Variants in TACC2 observed in about 807,000 individuals in gnomAD.
TACC2 encodes the protein transforming acidic coiled-coil-containing protein 2.
In TACC2, 137 loss-of-function variants were observed where a neutral mutation model predicts 227.3. The observed-to-expected ratio is 0.60, with a 90% CI of 0.52 to 0.69. The LOEUF is 0.69. Ranked by LOEUF, TACC2 falls within the 30% of genes least tolerant of loss-of-function variation. The pLI is 0.00. For missense variants in TACC2, 3,470 were observed against 3,694.4 expected (o/e 0.94, Z 1.57); for synonymous variants, 1,523 against 1,487.5 (o/e 1.02, Z -0.55).
chr10:122,176,035 G>A (rs543009022), intron 7 of TACC2, among the ~76,000 whole-genome samples: 4 of 149,380 alleles, frequency 2.7e-5, no homozygotes, highest in Non-Finnish European at 5.9e-5. Flanking sequence ...AGTCGTGTTT[G>A]CACCACTGCA....
Position 122,129,573 on chromosome 10 carries a change from T to C in TACC2, c.5574-3036T>C, listed in dbSNP as rs375308852. ...GTGTCAAAGGAAACGAAGTCTTTTA[T>C]GGTTTTCAATGTGTGTTGCCAGAAC... On this transcript the variant is annotated intron_variant, in intron 5 of 22. Transcript: ENST00000369005. Among the ~76,000 whole-genome samples, 130 of 152,368 alleles carry C rather than the reference T, an allele frequency of 8.5e-4. 1 individual carries two copies. The East Asian group carries it at 0.015, about 18-fold the overall frequency.
rs1274198953 is a variant in TACC2 at position 122,132,804 on chromosome 10, C to T, written c.5699+70C>T. 1.1e-5 allele frequency: 16 copies of T among 1,461,536 alleles called. No homozygotes were observed. The East Asian group carries it at 3.5e-4, about 32-fold the overall frequency. The allele number at this position is 1,461,536 out of a possible 1,614,324, so 90.5% of individuals were successfully genotyped here. On this transcript the variant is annotated intron_variant, in intron 6 of 22. Coordinates refer to ENST00000369005, the MANE Select transcript of TACC2 (RefSeq NM_206862.4). ...ATCCTTGAGGCTGCCTTCCCCCGCTCCCCTCCCTTCCCCTCCCCTCCTCTC... is the reference window on the plus strand; with the variant it reads ...ATCCTTGAGGCTGCCTTCCCCCGCTTCCCTCCCTTCCCCTCCCCTCCTCTC...
At chr10:122,026,318 A>G (rs1389520834) in intron 2 of TACC2, among the ~76,000 whole-genome samples, 3 of 149,802 alleles carry the variant, frequency 2.0e-5, no homozygotes, top group Admixed American at 2.0e-4. Flanking sequence ...TGTCTCAAAA[A>G]AAAAAAAAAA....
In TACC2 at chr10:122,086,257, G is replaced by C; in HGVS notation, c.3757G>C (p.Val1253Leu). The C allele has an allele frequency of 6.2e-7, 1 of 1,614,014 alleles. No homozygotes were observed. Among genetic ancestry groups the C allele is most frequent in the Non-Finnish European group, 8.5e-7 (1 of 1,180,048 alleles). ...AAQRGAEDSG[V>L]KAVSSADPRA... ...CCAGAGAGGAGCAGAAGACAGTGGA[G>C]TGAAAGCTGTTTCCTCTGCAGACCC... Residue 1253 changes from valine (V) to leucine (L), a missense_variant, in exon 4 of 23, where the codon GTG becomes CTG. Val to Leu is a conservative substitution (Grantham distance 32). This residue lies in a region of TACC2 where 1,924 missense variants were observed against 1,978.3 expected (regional missense o/e 0.97). Coordinates refer to ENST00000369005, the MANE Select transcript of TACC2 (RefSeq NM_206862.4).
chr10:122,019,707 A>C (rs1371965392), intron 1 of TACC2: 1 of 152,252 alleles, frequency 6.6e-6, no homozygotes, highest in Non-Finnish European at 1.5e-5. Context: ...GCTCCTGCCC[A>C]GGTATGAAGT....
At position 122,211,557 on chromosome 10, in the gene TACC2, G is replaced by T. The variant is rs183996280; in HGVS notation, c.7132G>T (p.Val2378Phe). The T allele has an allele frequency of 2.3e-5, 37 of 1,613,882 alleles. No homozygotes were observed. In the Admixed American group the frequency reaches 4.5e-4, roughly 20 times the overall value. Residue 2378 changes from valine (V) to phenylalanine (F), a missense_variant, in exon 9 of 23, where the codon GTT becomes TTT. Physicochemically the swap from Val to Phe is conservative, Grantham distance 50. Around this residue, in one of 10 missense-constraint regions of TACC2, gnomAD observed 593 missense variants for 636.6 expected, o/e 0.93. Transcript: ENST00000369005. ...NFDPDTCDES[V>F]DPFKTSSKTP... ...TGACCCAGACACCTGTGATGAGTCC[G>T]TTGACCCCTTTAAGACATCCTCTAA...
chr10:122,132,722 T>A lies in TACC2; in HGVS notation c.5687T>A (p.Leu1896Gln). ...GTTGTTGGCCAGGTCTCTACGGATCTGATAGCCCAGAGGTACGGTGGGGGC... is the reference window on the plus strand; with the variant it reads ...GTTGTTGGCCAGGTCTCTACGGATCAGATAGCCCAGAGGTACGGTGGGGGC... ...GDVVGQVSTDLIAQSISPAAA... is the reference protein window; with the variant it reads ...GDVVGQVSTDQIAQSISPAAA... Residue 1896 changes from leucine (L) to glutamine (Q), a missense_variant, in exon 6 of 23, where the codon CTG becomes CAG. By Grantham distance (113) the Leu-to-Gln change is moderately radical. This residue lies in a region of TACC2 where 1,924 missense variants were observed against 1,978.3 expected (regional missense o/e 0.97). Coordinates refer to ENST00000369005, the MANE Select transcript of TACC2 (RefSeq NM_206862.4). 1 of 1,614,156 alleles carries A rather than the reference T, an allele frequency of 6.2e-7. No homozygotes were observed. Among genetic ancestry groups the A allele is most frequent in the Non-Finnish European group, 8.5e-7 (1 of 1,179,990 alleles).
intron 5 of TACC2, among the ~76,000 whole-genome samples, chr10:122,100,727 T>C (rs1259904954): frequency 6.6e-6 from 1 of 152,166 alleles, no homozygotes; most frequent in Admixed American, 6.5e-5. Flanking sequence ...CGCCCGACTG[T>C]TGTCTTCTCT....
rs769155262 is a variant in TACC2, at chr10:122,084,573, A to G, written c.2073A>G (p.Ser691=). 3 of 1,613,698 alleles carry G rather than the reference A, an allele frequency of 1.9e-6. No homozygotes were observed. Among genetic ancestry groups the G allele is most frequent in the Non-Finnish European group, 2.5e-6 (3 of 1,180,018 alleles). ...TVPEGAIWEG[S]GLQPKCPDTL... ...CCGAAGGAGCCATCTGGGAGGGGTC[A>G]GGATTGCAGCCCAAATGTCCTGACA... Residue 691 remains serine, a synonymous_variant, in exon 4 of 23, where the codon TCA becomes TCG. Transcript: ENST00000369005.
At chr10:122,214,948 C>A (rs1241605424) in intron 9 of TACC2, among the ~76,000 whole-genome samples, 1 of 152,008 alleles carries the variant, frequency 6.6e-6, no homozygotes, top group Non-Finnish European at 1.5e-5. Context: ...CTGCGTGGCC[C>A]CCTTCAGTTG....
At chr10:122,226,097 C>A (rs1335463418) in intron 12 of TACC2, among the ~76,000 whole-genome samples, 1 of 152,206 alleles carries the variant, frequency 6.6e-6, no homozygotes, top group Non-Finnish European at 1.5e-5. Context: ...GAACAAAGTC[C>A]AGCTCACCAA....
At chr10:122,061,668 G>T (rs2076839109) in intron 3 of TACC2, among the ~76,000 whole-genome samples, 1 of 152,104 alleles carries the variant, frequency 6.6e-6, no homozygotes, top group Admixed American at 6.6e-5. Flanking sequence ...ATCAACACGG[G>T]CCCACTACAC....
intron 5 of TACC2, among the ~76,000 whole-genome samples, chr10:122,106,240 A>G (rs10736310): frequency 0.44 from 66,217 of 151,564 alleles, 15,120 homozygotes; most frequent in South Asian, 0.53. Flanking sequence ...TGCCTACCTC[A>G]GCCTCCCAAA....
chr10:122,114,562 G>C (rs12251221), intron 5 of TACC2, among the ~76,000 whole-genome samples: 38,868 of 152,140 alleles, frequency 0.26, 5,729 homozygotes, highest in Middle Eastern at 0.34. Flanking sequence ...TTCCCACGGG[G>C]CTCTTTCTCA....
At chr10:122,097,798 C>G (rs982138185) in intron 5 of TACC2, among the ~76,000 whole-genome samples, 2 of 152,102 alleles carry the variant, frequency 1.3e-5, no homozygotes, top group East Asian at 1.9e-4. Context: ...CACGGCACAC[C>G]CGACACAAAG....
chr10:122,212,915 A>G (rs1254040336), intron 9 of TACC2, among the ~76,000 whole-genome samples: 1 of 151,596 alleles, frequency 6.6e-6, no homozygotes, highest in Non-Finnish European at 1.5e-5. Flanking sequence ...GAAGTCTGCA[A>G]TGGCTAGACT....
Position 122,249,659 on chromosome 10 carries a change from C to G in TACC2, c.8776C>G (p.Gln2926Glu), listed in dbSNP as rs376457806. ...RVDALERTLE[Q>E]KNKEIEELTK... ...GGACGCCCTGGAAAGGACGCTGGAG[C>G]AGAAGGTAATAGGGGAGGGGTGTGG... is the stretch of plus-strand genomic sequence containing the variant. Residue 2926 changes from glutamine (Q) to glutamate (E), a missense_variant, in exon 22 of 23, where the codon CAG becomes GAG. Gln to Glu is a conservative substitution (Grantham distance 29, BLOSUM62 2). Coordinates refer to ENST00000369005, the MANE Select transcript of TACC2 (RefSeq NM_206862.4). The G allele has an allele frequency of 6.2e-7, 1 of 1,613,070 alleles. No individual in the cohort carries two copies. Among genetic ancestry groups the G allele is most frequent in the Non-Finnish European group, 8.5e-7 (1 of 1,179,534 alleles).
intron 8 of TACC2, among the ~76,000 whole-genome samples, chr10:122,204,851 G>A (rs557597587): frequency 6.6e-5 from 10 of 151,878 alleles, no homozygotes; most frequent in African/African-American, 2.4e-4. Context: ...ATGACGTGTG[G>A]CATGCTCTAG....
chr10:122,031,283 G>A (rs969660381), intron 2 of TACC2, among the ~76,000 whole-genome samples: 16 of 151,970 alleles, frequency 1.1e-4, no homozygotes, highest in African/African-American at 2.4e-4. Context: ...ACTGGATTGC[G>A]CTCTACTTTC....
Sources: allele counts gnomAD v4.1 joint callset (sites outside exome capture counted in the v4.1 genomes callset), GRCh38; gene constraint gnomAD v4.1.1; regional missense constraint gnomAD v4.1.1; transcripts MANE v1.5; gene names NCBI Gene and HGNC (gene_info 2026-07-23, HGNC 2026-07-21).